TTC6: variants seen among roughly 807,000 people sequenced by gnomAD.
TTC6 encodes the protein tetratricopeptide repeat protein 6.
Under a neutral mutation model 210.4 loss-of-function variants are expected in TTC6, and 172 were observed. The observed-to-expected ratio is 0.82, with a 90% CI of 0.72 to 0.93. The LOEUF (loss-of-function observed/expected upper bound fraction) is 0.93, where lower values mean the gene tolerates loss of function less well. Ranked by LOEUF, TTC6 falls within the 40% of genes least tolerant of loss-of-function variation. The pLI, the probability that TTC6 is intolerant of heterozygous loss-of-function variation, is 0.00. For synonymous variants in TTC6, 804 were observed against 819.6 expected, an observed-to-expected ratio of 0.98 and a Z score of 0.32; for missense variants, 2,414 against 2,318.1, an observed-to-expected ratio of 1.04 and a Z score of -0.85.
At chr14:37,756,789 G>A (rs1160828931) in intron 14 of TTC6, among the ~76,000 whole-genome samples, 1 of 152,086 alleles carries the variant, frequency 6.6e-6, no homozygotes, top group East Asian at 1.9e-4. Flanking sequence ...GTTCATCAGC[G>A]ATATTGACCT....
At chr14:37,841,208 C>T (rs918795267) in intron 29 of TTC6, among the ~76,000 whole-genome samples, 6 of 152,102 alleles carry the variant, frequency 3.9e-5, no homozygotes, top group South Asian at 4.1e-4. Context: ...AGTATTATAT[C>T]GTTGACATTG....
intron 1 of TTC6, among the ~76,000 whole-genome samples, chr14:37,643,185 G>A (rs758040444): frequency 2.1e-4 from 32 of 152,144 alleles, no homozygotes; most frequent in Admixed American, 2.6e-4. Flanking sequence ...GCTCACTCCT[G>A]TAATTCCAGC....
intron 14 of TTC6, among the ~76,000 whole-genome samples, chr14:37,769,361 A>C (rs2096010254): frequency 6.6e-6 from 1 of 151,582 alleles, no homozygotes; most frequent in African/African-American, 2.4e-5. Context: ...TGATTGGAAT[A>C]GTTTCAGAAG....
intron 5 of TTC6, among the ~76,000 whole-genome samples, chr14:37,703,420 A>G (rs1035623091): frequency 1.3e-5 from 2 of 152,146 alleles, no homozygotes; most frequent in Non-Finnish European, 2.9e-5. Context: ...CTTGAGGATT[A>G]CCTTGCTAAA....
intron 1 of TTC6, among the ~76,000 whole-genome samples, chr14:37,666,698 C>T (rs2095748837): frequency 6.7e-6 from 1 of 150,128 alleles, no homozygotes; most frequent in Non-Finnish European, 1.5e-5. Context: ...AAATTTACCC[C>T]CTTTTTGTAA....
chr14:37,645,901 C>T (rs954841345), intron 1 of TTC6, among the ~76,000 whole-genome samples: 8 of 152,118 alleles, frequency 5.3e-5, no homozygotes, highest in Non-Finnish European at 7.3e-5. Context: ...AAATAATTAT[C>T]GTTTACCTAT....
chr14:37,638,711 G>A (rs183696794), intron 1 of TTC6, among the ~76,000 whole-genome samples: 2 of 152,268 alleles, frequency 1.3e-5, no homozygotes, highest in East Asian at 3.9e-4. Flanking sequence ...TATCCTGGTT[G>A]TGATATTGTA....
At chr14:37,798,808 G>A (rs1048353244) in intron 20 of TTC6, among the ~76,000 whole-genome samples, 1 of 151,918 alleles carries the variant, frequency 6.6e-6, no homozygotes, top group Non-Finnish European at 1.5e-5. Context: ...TTTTTCATCA[G>A]GTATTGAAAT....
intron 14 of TTC6, among the ~76,000 whole-genome samples, chr14:37,775,010 A>G (rs1350886979): frequency 6.6e-6 from 1 of 152,018 alleles, no homozygotes; most frequent in East Asian, 1.9e-4. Flanking sequence ...TATGTTTTCT[A>G]GCTTGTGTGC....
chr14:37,701,292 A>C, intron 4 of TTC6, 40 bp from the exon 7 acceptor site: 1 of 1,326,886 alleles, frequency 7.5e-7, no homozygotes, highest in Non-Finnish European at 9.7e-7. Flanking sequence ...TAAAGTCCAC[A>C]AAATGATGAA....
At position 37,667,637 on chromosome 14, in the gene TTC6, T is replaced by C. The variant is rs954062089; in HGVS notation, c.940-12514T>C. Among the ~76,000 whole-genome samples the C allele has an allele frequency of 3.3e-5, 5 of 150,830 alleles. 2 individuals carry two copies. Among genetic ancestry groups the C allele is most frequent in the Non-Finnish European group, 4.5e-5 (3 of 67,184 alleles). On this transcript the variant is annotated intron_variant, in intron 1 of 30. Transcript: ENST00000553443. ...AACGTTAGGGTTATTTTTATTAATC[T>C]TTTCTTTTGATCTGTAAGAATACCT...
intron 7 of TTC6, among the ~76,000 whole-genome samples, chr14:37,728,116 T>C (rs2095877378): frequency 6.6e-6 from 1 of 152,178 alleles, no homozygotes; most frequent in African/African-American, 2.4e-5. Flanking sequence ...TTTTGAGGAT[T>C]TAATGAGAGA....
chr14:37,745,327 A>G lies in TTC6; in HGVS notation c.2364-3612A>G, dbSNP rs2095932683. On this transcript the variant is annotated intron_variant, in intron 10 of 30. Coordinates refer to ENST00000553443, the Ensembl canonical transcript of TTC6. ...GCTATCTTTGTTTTACACTGGTGAAACAGGAAAGTAAAATGGAGATATGGT... is the reference window on the plus strand; with the variant it reads ...GCTATCTTTGTTTTACACTGGTGAAGCAGGAAAGTAAAATGGAGATATGGT... Among the ~76,000 whole-genome samples the G allele has an allele frequency of 2.0e-5, 3 of 152,188 alleles. No individual in the cohort carries two copies. The South Asian group carries it at 6.2e-4, about 32-fold the overall frequency.
At chr14:37,605,157 G>T (rs768132251) in intron 1 of TTC6, among the ~76,000 whole-genome samples, 1 of 152,220 alleles carries the variant, frequency 6.6e-6, no homozygotes, top group African/African-American at 2.4e-5. Flanking sequence ...TCAGTGATTT[G>T]TCTGCTCAGA....
At chr14:37,709,930 C>A (rs1362021920) in intron 5 of TTC6, among the ~76,000 whole-genome samples, 1 of 152,140 alleles carries the variant, frequency 6.6e-6, no homozygotes, top group Non-Finnish European at 1.5e-5. Flanking sequence ...TTTTAAACAA[C>A]ATTCTCTGTA....
chr14:37,701,181 A>G (rs1182065637), intron 4 of TTC6, 151 bp from the exon 7 acceptor site: 6 of 506,742 alleles, frequency 1.2e-5, no homozygotes, highest in South Asian at 7.0e-5. Flanking sequence ...GTGATATTAA[A>G]TTTGTTATAT....
At chr14:37,728,794 A>C (rs1566914919) in intron 7 of TTC6, among the ~76,000 whole-genome samples, 1 of 152,182 alleles carries the variant, frequency 6.6e-6, no homozygotes, top group Admixed American at 6.5e-5. Flanking sequence ...GGGCTATTAC[A>C]ATTACTTCAG....
chr14:37,692,208 CAAAAAAAA>C (rs3062759), intron 3 of TTC6, among the ~76,000 whole-genome samples: 1 of 40,154 alleles, frequency 2.5e-5, no homozygotes, highest in Non-Finnish European at 3.9e-5. Flanking sequence ...AAAGACACAC[CAAAAAAAA>C]AAAAAAAAAA....
At chr14:37,643,969 A>T (rs1159555838) in intron 1 of TTC6, among the ~76,000 whole-genome samples, 1 of 152,194 alleles carries the variant, frequency 6.6e-6, no homozygotes, top group Non-Finnish European at 1.5e-5. Flanking sequence ...ATGGCTTTTT[A>T]TGCATGACTG....
Sources: gnomAD v4.1 joint callset for allele counts (sites outside exome capture counted in the v4.1 genomes callset) on GRCh38, gnomAD v4.1.1 for gene constraint, MANE v1.5 for transcripts, NCBI Gene and HGNC (gene_info 2026-07-23, HGNC 2026-07-21) for gene names.